Variants in ASCC3 observed in about 807,000 individuals in gnomAD.
The protein encoded by ASCC3 is ASC-1 complex subunit P200.
Under a neutral mutation model 256.3 loss-of-function variants are expected in ASCC3, and 158 were observed. The observed-to-expected ratio is 0.62, with a 90% CI of 0.54 to 0.70. The LOEUF is 0.70. Ranked by LOEUF, ASCC3 falls within the 30% of genes least tolerant of loss-of-function variation. The pLI is 0.00. For synonymous variants in ASCC3, 948 were observed against 883.4 expected, an observed-to-expected ratio of 1.07 and a Z score of -1.30; for missense variants, 2,259 against 2,626.0, an observed-to-expected ratio of 0.86 and a Z score of 3.05.
rs745601584 is a variant in ASCC3, at chr6:100,517,984, CA to C, written c.5927+6del. Reference sequence around the variant, plus strand: ...AAAACAATTACATTGAAAAGTAAAACAATTACTTGAAAAGGTGAAGATGATG... The same window carrying C: ...AAAACAATTACATTGAAAAGTAAAACATTACTTGAAAAGGTGAAGATGATG... On this transcript the variant is annotated splice_donor_region_variant and intron_variant, in intron 38 of 41. Coordinates refer to ENST00000369162, the MANE Select transcript of ASCC3 (RefSeq NM_006828.4). 2.3e-4 allele frequency: 368 copies of C among 1,612,018 alleles called. No homozygotes were observed. Among genetic ancestry groups the C allele is most frequent in the Non-Finnish European group, 3.0e-4 (350 of 1,178,712 alleles).
intron 10 of ASCC3, among the ~76,000 whole-genome samples, chr6:100,757,650 G>T (rs915960450): frequency 1.3e-5 from 2 of 152,062 alleles, no homozygotes; most frequent in African/African-American, 4.8e-5. Context: ...AGATATTGTA[G>T]AAATCTTTCA....
intron 20 of ASCC3, among the ~76,000 whole-genome samples, chr6:100,648,629 T>C (rs893538741): frequency 1.4e-4 from 22 of 152,026 alleles, no homozygotes; most frequent in African/African-American, 5.3e-4. Context: ...TAAAAATGAC[T>C]GAATGGGTCT....
chr6:100,509,813 G>A (rs1195862436), intron 41 of ASCC3, 119 bp downstream of exon 41: 14 of 1,032,234 alleles, frequency 1.4e-5, no homozygotes, highest in Admixed American at 9.2e-5. Context: ...GCGTGAACCC[G>A]GGAGGCGGAG....
chr6:100,741,342 T>C (rs1275181375), intron 10 of ASCC3, among the ~76,000 whole-genome samples: 1 of 152,152 alleles, frequency 6.6e-6, no homozygotes, highest in Non-Finnish European at 1.5e-5. Context: ...CCTTGGAGAA[T>C]CTGATGATCA....
chr6:100,724,398 A>G (rs564425664), intron 11 of ASCC3, among the ~76,000 whole-genome samples: 1 of 152,046 alleles, frequency 6.6e-6, no homozygotes, highest in East Asian at 1.9e-4. Flanking sequence ...GGGAAATTGA[A>G]TTGAGATTAA....
chr6:100,655,415 TA>T (rs1056946412), intron 17 of ASCC3, among the ~76,000 whole-genome samples: 1 of 151,826 alleles, frequency 6.6e-6, no homozygotes, highest in East Asian at 1.9e-4. Context: ...TCTCACAGTT[TA>T]AAAAATCACA....
chr6:100,766,204 T>A (rs191299886), intron 10 of ASCC3, among the ~76,000 whole-genome samples: 1 of 152,300 alleles, frequency 6.6e-6, no homozygotes, highest in East Asian at 1.9e-4. Flanking sequence ...ATGGAATAGT[T>A]TGGAATACTA....
intron 10 of ASCC3, among the ~76,000 whole-genome samples, chr6:100,759,394 T>G (rs1562277021): frequency 6.6e-6 from 1 of 152,124 alleles, no homozygotes; most frequent in Non-Finnish European, 1.5e-5. Flanking sequence ...AATATTTAAT[T>G]CATCTTGAGT....
At chr6:100,569,924 T>A (rs1562126362) in intron 36 of ASCC3, among the ~76,000 whole-genome samples, 1 of 152,182 alleles carries the variant, frequency 6.6e-6, no homozygotes, top group Non-Finnish European at 1.5e-5. Context: ...GTATGGAATG[T>A]TTTTCCATTT....
chr6:100,526,270 T>A (rs183353839), intron 37 of ASCC3, among the ~76,000 whole-genome samples: 1 of 152,318 alleles, frequency 6.6e-6, no homozygotes, highest in Admixed American at 6.5e-5. Flanking sequence ...AAGTTGTGAT[T>A]AACATTTCAC....
At chr6:100,702,899 C>A (rs543512348) in intron 13 of ASCC3, among the ~76,000 whole-genome samples, 1 of 152,036 alleles carries the variant, frequency 6.6e-6, no homozygotes. Context: ...TAAAAATGTG[C>A]TAATCACCTT....
rs1253173951 is a variant in ASCC3, at chr6:100,758,909, T to A, written c.1737+7656A>T. 2.6e-5 allele frequency among the ~76,000 whole-genome samples: 4 copies of A among 152,170 alleles called. No individual in the cohort carries two copies. The South Asian group carries it at 6.2e-4, about 24-fold the overall frequency. ...CACAGCCTTGCTAGCATCTGTTGTTTCTTGGTTTTTTAATAATTGCCATTC... is the reference window on the plus strand; with the variant it reads ...CACAGCCTTGCTAGCATCTGTTGTTACTTGGTTTTTTAATAATTGCCATTC... On this transcript the variant is annotated intron_variant, in intron 10 of 41. Coordinates refer to ENST00000369162, the MANE Select transcript of ASCC3 (RefSeq NM_006828.4).
At chr6:100,772,209 A>T (rs973030246) in intron 8 of ASCC3, among the ~76,000 whole-genome samples, 1 of 152,162 alleles carries the variant, frequency 6.6e-6, no homozygotes, top group Non-Finnish European at 1.5e-5. Context: ...AAAGTTAAAC[A>T]AACATACACC....
intron 10 of ASCC3, among the ~76,000 whole-genome samples, chr6:100,766,112 A>G (rs913238083): frequency 6.6e-6 from 1 of 152,184 alleles, no homozygotes; most frequent in Non-Finnish European, 1.5e-5. Context: ...TGCTATATAC[A>G]GTGCATGATT....
rs757853060 is a variant in ASCC3 at position 100,642,735 on chromosome 6, T to G, written c.3747A>C (p.Glu1249Asp). 2.5e-6 allele frequency: 4 copies of G among 1,613,372 alleles called. No individual in the cohort carries two copies. The highest frequency in any genetic ancestry group is 3.4e-6 in the Non-Finnish European group (4 of 1,179,368). The change falls in exon 24 of 42, where the codon GAA (glutamate) becomes GAC (aspartate). Residue 1249 changes from glutamate (E) to aspartate (D), a missense_variant. Physicochemically the swap from Glu to Asp is conservative, Grantham distance 45. Around this residue, in one of 2 missense-constraint regions of ASCC3, gnomAD observed 1,839 missense variants for 2,206.7 expected, o/e 0.83. Transcript: ENST00000369162. Reference protein sequence around the residue: ...LALKKQVISKEAQLLVFTIPI... With the variant: ...LALKKQVISKDAQLLVFTIPI... ...GGATTGTAAATACCAGTAGTTGGGC[T>G]TCTTTACTAATGACCTAATATGAAA...
intron 16 of ASCC3, 102 bp from the exon 17 acceptor site, chr6:100,655,920 T>C: frequency 7.5e-7 from 1 of 1,339,702 alleles, no homozygotes; most frequent in Non-Finnish European, 1.1e-6. Context: ...AATACATCAT[T>C]ATGCAGTATT....
At chr6:100,536,871 T>G (rs975974651) in intron 37 of ASCC3, among the ~76,000 whole-genome samples, 1 of 152,146 alleles carries the variant, frequency 6.6e-6, no homozygotes, top group Non-Finnish European at 1.5e-5. Context: ...GATGCCAGAA[T>G]GCAAGGTAGT....
chr6:100,778,554 G>C (rs931441406), intron 8 of ASCC3, among the ~76,000 whole-genome samples: 1 of 152,014 alleles, frequency 6.6e-6, no homozygotes, highest in Non-Finnish European at 1.5e-5. Flanking sequence ...AACTGTATTT[G>C]TGGTCAATGG....
At chr6:100,655,538 C>T (rs989368048) in intron 17 of ASCC3, among the ~76,000 whole-genome samples, 161 bp downstream of exon 17, 3 of 151,716 alleles carry the variant, frequency 2.0e-5, no homozygotes, top group Non-Finnish European at 4.4e-5. Flanking sequence ...CTAATAACTA[C>T]AGGGGCCTAT....
Sources: allele counts gnomAD v4.1 joint callset (sites outside exome capture counted in the v4.1 genomes callset), GRCh38; gene constraint gnomAD v4.1.1; regional missense constraint gnomAD v4.1.1; transcripts MANE v1.5; gene names NCBI Gene and HGNC (gene_info 2026-07-23, HGNC 2026-07-21).